PMPCB: variants seen among roughly 807,000 people sequenced by gnomAD.
PMPCB encodes the protein peptidase, mitochondrial processing subunit beta.
Under a neutral mutation model 61.5 loss-of-function variants are expected in PMPCB, and 46 were observed. The observed-to-expected ratio is 0.75, with a 90% confidence interval of 0.59 to 0.96. PMPCB has a LOEUF of 0.96. Among genes scored for constraint, PMPCB ranks in the 40% least tolerant of loss-of-function variants. PMPCB has a pLI of 0.00. For synonymous variants in PMPCB, 191 were observed against 201.6 expected (o/e 0.95, Z 0.44); for missense variants, 590 against 602.4 (o/e 0.98, Z 0.22).
intron 12 of PMPCB, chr7:103,322,805 GA>G: frequency 6.3e-7 from 1 of 1,588,164 alleles, no homozygotes; most frequent in Non-Finnish European, 8.6e-7. Context: ...CTATAAAATA[GA>G]AAATATTGGA....
chr7:103,310,037 A>G (rs951388081), intron 8 of PMPCB, among the ~76,000 whole-genome samples: 5 of 152,220 alleles, frequency 3.3e-5, no homozygotes, highest in Non-Finnish European at 5.9e-5. Context: ...AATTGGGTTG[A>G]TAATAGCCAT....
rs375787139 is a variant in PMPCB, at chr7:103,298,648, A to G, written c.180A>G (p.Val60=). The G allele has an allele frequency of 6.2e-7, 1 of 1,613,902 alleles. No individual in the cohort carries two copies. The highest frequency in any genetic ancestry group is 8.5e-7 in the Non-Finnish European group (1 of 1,179,740). ...QVVLNVPETR[V]TCLESGLRVA... is the part of the protein sequence containing the mutation. ...TTCTGAATGTTCCTGAAACAAGAGTAACATGTTTAGAAAGTGGACTCAGAG... is the reference window on the plus strand; with the variant it reads ...TTCTGAATGTTCCTGAAACAAGAGTGACATGTTTAGAAAGTGGACTCAGAG... The change falls in exon 2 of 13, where the codon GTA becomes GTG. Residue 60 remains valine, a synonymous_variant. Transcript: ENST00000249269.
intron 12 of PMPCB, among the ~76,000 whole-genome samples, chr7:103,320,320 C>T (rs565383663): frequency 1.9e-4 from 29 of 151,844 alleles, no homozygotes; most frequent in Non-Finnish European, 3.4e-4. Flanking sequence ...GAACTCCTGA[C>T]CTTGTGATCC....
rs61749913 is a variant in PMPCB, at chr7:103,313,097, T to C, written c.*826T>C. 51,116 of 1,598,920 alleles carry C rather than the reference T, an allele frequency of 0.032. 962 individuals are homozygous for C. The highest frequency in any genetic ancestry group is 0.036 in the Non-Finnish European group (41,881 of 1,176,072). On this transcript the variant is annotated 3_prime_UTR_variant, in exon 13 of 13. Transcript: ENST00000249269. ...TTGTCCAAGGGGTGAAGTCTGTATA[T>C]GGACCTGATTAAGAAAAATTTTTAT... is the stretch of plus-strand genomic sequence containing the variant.
At chr7:103,323,736 G>C (rs1463265443) in intron 12 of PMPCB, 1 of 1,153,900 alleles carries the variant, frequency 8.7e-7, no homozygotes, top group East Asian at 3.2e-5. Context: ...GCAAGTGAAT[G>C]AATTTGTTTT....
chr7:103,315,999 A>G, downstream of PMPCB: 1 of 1,592,740 alleles, frequency 6.3e-7, no homozygotes, highest in Non-Finnish European at 8.5e-7. Flanking sequence ...AAGTTTTTGG[A>G]GACTCTTTGC....
intron 12 of PMPCB, chr7:103,327,636 AC>A (rs1563466816): frequency 6.8e-7 from 1 of 1,469,388 alleles, no homozygotes. Flanking sequence ...GAAATTCCTG[AC>A]TCTAAAGCAT....
chr7:103,326,732 T>C (rs1370418603), intron 12 of PMPCB: 13 of 1,534,914 alleles, frequency 8.5e-6, no homozygotes, highest in South Asian at 1.2e-5. Flanking sequence ...TTACCTATTT[T>C]TTCCTGCAAG....
intron 12 of PMPCB, chr7:103,322,760 T>TA: frequency 6.2e-7 from 1 of 1,608,184 alleles, no homozygotes; most frequent in African/African-American, 1.3e-5. Flanking sequence ...CTTGTTGCTC[T>TA]GTTCTGCTTT....
chr7:103,330,785 T>C (rs530913259), downstream of PMPCB, among the ~76,000 whole-genome samples: 14 of 151,664 alleles, frequency 9.2e-5, no homozygotes, highest in African/African-American at 3.4e-4. Flanking sequence ...TTTCGTCATG[T>C]TGGCCAGGCT....
chr7:103,303,977 A>T lies in PMPCB; in HGVS notation c.593A>T (p.His198Leu), dbSNP rs142466486. The change falls in exon 5 of 13, where the codon CAT becomes CTT. Residue 198 changes from histidine to leucine, a missense_variant. Physicochemically the swap from His to Leu is moderately conservative, Grantham distance 99. Coordinates refer to ENST00000249269, the MANE Select transcript of PMPCB (RefSeq NM_004279.3). Reference protein sequence around the residue: ...NLQEVVFDYLHATAYQNTALG... With the variant: ...NLQEVVFDYLLATAYQNTALG... ...CAAGAAGTTGTTTTTGATTATCTTC[A>T]TGCCACAGCTTATCAAAATACTGCA... The T allele has an allele frequency of 1.9e-6, 3 of 1,613,922 alleles. No homozygotes were observed. Among genetic ancestry groups the T allele is most frequent in the Non-Finnish European group, 2.5e-6 (3 of 1,179,898 alleles).
Position 103,313,269 on chromosome 7 carries a change from G to T in PMPCB, c.*998G>T. 1 of 1,336,232 alleles carries T rather than the reference G, an allele frequency of 7.5e-7. No homozygotes were observed. The highest frequency in any genetic ancestry group is 1.5e-5 in the African/African-American group (1 of 66,270). 82.8% of individuals were successfully genotyped at this position (1,336,232 alleles called of 1,614,324 possible). On this transcript the variant is annotated 3_prime_UTR_variant, in exon 13 of 13. Transcript: ENST00000249269. The stretch of plus-strand genomic sequence containing the variant: ...TATAGCCCTCTGAGTGTTAATAAGA[G>T]AAAAAATTTCAGATAGCTCACATCC...
In PMPCB at chr7:103,310,353, C is replaced by G; in HGVS notation, c.1032C>G (p.Gly344=). Residue 344 remains glycine (G), a synonymous_variant, in exon 9 of 13, where the codon GGC becomes GGG. Coordinates refer to ENST00000249269, the MANE Select transcript of PMPCB (RefSeq NM_004279.3). ...SSKLAQLTCH[G]NLCHSFQSFN... Reference sequence around the variant, plus strand: ...AGCTGGCCCAGCTCACTTGTCATGGCAATCTTTGCCATAGCTTTCAGTCTT... The same window carrying G: ...AGCTGGCCCAGCTCACTTGTCATGGGAATCTTTGCCATAGCTTTCAGTCTT... The G allele has an allele frequency of 6.2e-7, 1 of 1,613,688 alleles. No homozygotes were observed. Among genetic ancestry groups the G allele is most frequent in the Non-Finnish European group, 8.5e-7 (1 of 1,179,746 alleles).
chr7:103,316,826 G>A (rs1818087150), downstream of PMPCB: 1 of 1,612,188 alleles, frequency 6.2e-7, no homozygotes, highest in Non-Finnish European at 8.5e-7. Flanking sequence ...ATTAAAACCA[G>A]TACCTTGAAT....
chr7:103,320,015 C>T (rs1237238958), intron 12 of PMPCB, among the ~76,000 whole-genome samples: 1 of 152,178 alleles, frequency 6.6e-6, no homozygotes, highest in Non-Finnish European at 1.5e-5. Flanking sequence ...GCCTGGACAA[C>T]AGAGCAAGAC....
chr7:103,317,103 C>T (rs1054202420), downstream of PMPCB: 1 of 1,136,534 alleles, frequency 8.8e-7, no homozygotes, highest in African/African-American at 1.6e-5. Context: ...TGGTCCTCAA[C>T]TCTCAATGTC....
rs909435898 is a variant in PMPCB at position 103,313,177 on chromosome 7, C to G, written c.*906C>G. 3 of 1,486,158 alleles carry G rather than the reference C, an allele frequency of 2.0e-6. No individual in the cohort carries two copies. The African/African-American group carries it at 4.3e-5, about 21-fold the overall frequency. The allele number at this position is 1,486,158 out of a possible 1,614,324, so 92.1% of individuals were successfully genotyped here. The stretch of plus-strand genomic sequence containing the variant: ...ACAAGTCTTGTGGTCCACAAGTATT[C>G]GCTAAGTGCCCATTTCAATCTGGGA... On this transcript the variant is annotated 3_prime_UTR_variant, in exon 13 of 13. Coordinates refer to ENST00000249269, the MANE Select transcript of PMPCB (RefSeq NM_004279.3).
rs1351755401 is a variant in PMPCB at position 103,327,670 on chromosome 7, G to C, written c.*1432-1261G>C. 3 of 1,601,684 alleles carry C rather than the reference G, an allele frequency of 1.9e-6. No homozygotes were observed. The African/African-American group carries it at 4.0e-5, about 21-fold the overall frequency. On this transcript the variant is annotated intron_variant and NMD_transcript_variant, in intron 12 of 12. Transcript: ENST00000444457. ...CATTTTCTTACCTTTAGTTATGCAA[G>C]TGAAGTAGTCATTATCTCCTTCTTT...
intron 3 of PMPCB, 146 bp from the exon 4 acceptor site, chr7:103,300,032 G>A: frequency 1.5e-6 from 1 of 675,520 alleles, no homozygotes; most frequent in Non-Finnish European, 2.5e-6. Context: ...ACAGGTGTGA[G>A]CCATCGTACC....
Sources: allele counts gnomAD v4.1 joint callset (sites outside exome capture counted in the v4.1 genomes callset), GRCh38; gene constraint gnomAD v4.1.1; transcripts MANE v1.5; gene names NCBI Gene and HGNC (gene_info 2026-07-23, HGNC 2026-07-21).